The following XRCC4 variants were observed in gnomAD, a reference collection of about 807,000 sequenced individuals.
XRCC4 encodes the protein X-ray repair cross complementing 4, also known as DNA repair protein XRCC4.
Under a neutral mutation model 39.1 loss-of-function variants are expected in XRCC4, and 28 were observed. The ratio of observed to expected loss-of-function variants is 0.72; its 90% CI spans 0.53 to 0.98. The LOEUF (loss-of-function observed/expected upper bound fraction) is 0.98, where lower values mean the gene tolerates loss of function less well. XRCC4 is among the 50% of genes least tolerant of loss of function. The probability of loss-of-function intolerance (pLI) is 0.00; values close to 1 mark genes in which losing one functional copy is unlikely to be tolerated. For synonymous variants in XRCC4, 123 were observed against 126.4 expected, an observed-to-expected ratio of 0.97 and a Z score of 0.18; for missense variants, 350 against 376.4, an observed-to-expected ratio of 0.93 and a Z score of 0.58.
intron 7 of XRCC4, among the ~76,000 whole-genome samples, chr5:83,276,635 A>G (rs1754345405): frequency 6.6e-6 from 1 of 152,002 alleles, no homozygotes; most frequent in Non-Finnish European, 1.5e-5. Context: ...TGGCCCCTCA[A>G]CCTTAGACTT....
intron 3 of XRCC4, among the ~76,000 whole-genome samples, chr5:83,152,899 G>A (rs951104257): frequency 5.9e-5 from 9 of 152,096 alleles, no homozygotes; most frequent in South Asian, 2.1e-4. Flanking sequence ...ATCCTATTTC[G>A]TCAGTTTTAA....
intron 7 of XRCC4, among the ~76,000 whole-genome samples, chr5:83,305,217 G>A (rs1356529029): frequency 6.6e-6 from 1 of 151,812 alleles, no homozygotes; most frequent in African/African-American, 2.4e-5. Context: ...ACATCAGTGT[G>A]GTATATTTAC....
chr5:83,289,864 C>G (rs1012211264), intron 7 of XRCC4, among the ~76,000 whole-genome samples: 2 of 151,762 alleles, frequency 1.3e-5, no homozygotes, highest in Non-Finnish European at 2.9e-5. Context: ...AATGATGACT[C>G]TCCCCCTGGC....
At chr5:83,242,180 G>A (rs944289861) in intron 6 of XRCC4, among the ~76,000 whole-genome samples, 2 of 151,818 alleles carry the variant, frequency 1.3e-5, no homozygotes. Context: ...GTGTGTGTGT[G>A]TGTGTGTGTG....
intron 1 of XRCC4, among the ~76,000 whole-genome samples, chr5:83,078,688 C>G (rs1165540649): frequency 6.6e-6 from 1 of 152,198 alleles, no homozygotes; most frequent in African/African-American, 2.4e-5. Flanking sequence ...AAGAGTTGGT[C>G]AAATACACAA....
chr5:83,144,605 T>A (rs985569927), intron 3 of XRCC4, among the ~76,000 whole-genome samples: 4 of 122,270 alleles, frequency 3.3e-5, no homozygotes, highest in African/African-American at 1.2e-4. Flanking sequence ...TCTATGAATG[T>A]ATGTCTTTCA....
rs77307845 is a variant in XRCC4, at chr5:83,245,347, A to G, written c.746-13183A>G. Among the ~76,000 whole-genome samples, 374 of 152,080 alleles carry G rather than the reference A, an allele frequency of 2.5e-3. 2 individuals carry two copies. Among genetic ancestry groups the G allele is most frequent in the African/African-American group, 8.7e-3 (360 of 41,506 alleles). ...TCTGTTGCTGTGTAGACTTGGAGAAAGGAGTCTAGGAAGTGAGTTATATGA... is the reference window on the plus strand; with the variant it reads ...TCTGTTGCTGTGTAGACTTGGAGAAGGGAGTCTAGGAAGTGAGTTATATGA... On this transcript the variant is annotated intron_variant, in intron 6 of 7. Transcript: ENST00000396027.
intron 3 of XRCC4, among the ~76,000 whole-genome samples, chr5:83,131,473 T>C (rs1747578013): frequency 6.6e-6 from 1 of 152,174 alleles, no homozygotes; most frequent in East Asian, 1.9e-4. Flanking sequence ...ATGTTGACAG[T>C]GGGGTGTTAA....
chr5:83,211,273 C>A lies in XRCC4; in HGVS notation c.745+6352C>A, dbSNP rs62374404. On this transcript the variant is annotated intron_variant, in intron 6 of 7. Transcript: ENST00000396027. Reference sequence around the variant, plus strand: ...TTGGTCAGTATGAAAGTTATGCCAGCATCTGGCTGGCCATGAGGACTGGCA... The same window carrying A: ...TTGGTCAGTATGAAAGTTATGCCAGAATCTGGCTGGCCATGAGGACTGGCA... Among the ~76,000 whole-genome samples the A allele has an allele frequency of 1.1e-3, 172 of 152,338 alleles. 1 individual carries two copies. Among genetic ancestry groups the A allele is most frequent in the Non-Finnish European group, 2.0e-3 (133 of 68,036 alleles).
intron 6 of XRCC4, among the ~76,000 whole-genome samples, chr5:83,241,034 G>C (rs1752887782): frequency 6.6e-6 from 1 of 152,076 alleles, no homozygotes; most frequent in Non-Finnish European, 1.5e-5. Context: ...TCAGGAGTTT[G>C]AGACCAGCCT....
chr5:83,183,138 C>T (rs546901060), intron 3 of XRCC4, among the ~76,000 whole-genome samples: 2 of 152,186 alleles, frequency 1.3e-5, no homozygotes, highest in Middle Eastern at 3.4e-3. Context: ...AATTCATCAT[C>T]ATTTATCTGT....
Position 83,310,511 on chromosome 5 carries a change from C to G in XRCC4, c.894-42620C>G, listed in dbSNP as rs535796901. Among the ~76,000 whole-genome samples the G allele has an allele frequency of 3.3e-5, 5 of 152,182 alleles. No individual in the cohort carries two copies. The East Asian group carries it at 9.7e-4, about 29-fold the overall frequency. On this transcript the variant is annotated intron_variant, in intron 7 of 7. Coordinates refer to ENST00000396027, the MANE Select transcript of XRCC4 (RefSeq NM_003401.5). ...CACATTTATTCTGTGTACCTTTCTGCGGCAAACAGAATAAGCTTCCCCATC... is the reference window on the plus strand; with the variant it reads ...CACATTTATTCTGTGTACCTTTCTGGGGCAAACAGAATAAGCTTCCCCATC...
At position 83,099,866 on chromosome 5, in the gene XRCC4, G is replaced by A. The variant is rs115088517; in HGVS notation, c.-10-5044G>A. 2.9e-3 allele frequency among the ~76,000 whole-genome samples: 437 copies of A among 152,212 alleles called. 1 individual carries two copies. Among genetic ancestry groups the A allele is most frequent in the African/African-American group, 9.5e-3 (394 of 41,526 alleles). ...AGTAGTCTTGGGGCAAAAAACTATG[G>A]CTGACTATTCCCATTTACAGGGCTG... On this transcript the variant is annotated intron_variant, in intron 1 of 7. Transcript: ENST00000396027.
intron 7 of XRCC4, among the ~76,000 whole-genome samples, chr5:83,330,722 A>G (rs551718677): frequency 6.6e-6 from 1 of 152,048 alleles, no homozygotes; most frequent in East Asian, 1.9e-4. Flanking sequence ...TATGTCTATT[A>G]TAACTATATG....
intron 7 of XRCC4, among the ~76,000 whole-genome samples, chr5:83,281,043 A>G (rs1754518664): frequency 6.6e-6 from 1 of 152,214 alleles, no homozygotes; most frequent in Non-Finnish European, 1.5e-5. Flanking sequence ...GTATCTTAAG[A>G]CTTGCATAAT....
At chr5:83,080,462 G>C (rs1744884032) in intron 1 of XRCC4, among the ~76,000 whole-genome samples, 1 of 151,634 alleles carries the variant, frequency 6.6e-6, no homozygotes, top group Non-Finnish European at 1.5e-5. Context: ...GGAGGTGGAG[G>C]CTGCAGTGAG....
intron 3 of XRCC4, among the ~76,000 whole-genome samples, chr5:83,116,608 CTTTTTTTTTTTTTTTTT>C (rs559079642): frequency 9.7e-6 from 1 of 103,200 alleles, no homozygotes; most frequent in East Asian, 4.3e-4. Flanking sequence ...TTCTCTCTCT[CTTTTTTTTTTTTTTTTT>C]TTTTTTTTTT....
intron 3 of XRCC4, among the ~76,000 whole-genome samples, chr5:83,175,023 A>T (rs1749890949): frequency 6.6e-6 from 1 of 152,202 alleles, no homozygotes; most frequent in South Asian, 2.1e-4. Flanking sequence ...CATGGTAGGA[A>T]CTAAAGAAAG....
intron 7 of XRCC4, among the ~76,000 whole-genome samples, chr5:83,287,809 T>C (rs1754786919): frequency 6.6e-6 from 1 of 151,836 alleles, no homozygotes; most frequent in African/African-American, 2.4e-5. Flanking sequence ...ATATTTATTA[T>C]TTATTTTCTT....
Sources: allele counts gnomAD v4.1 joint callset (sites outside exome capture counted in the v4.1 genomes callset), GRCh38; gene constraint gnomAD v4.1.1; transcripts MANE v1.5; gene names NCBI Gene and HGNC (gene_info 2026-07-23, HGNC 2026-07-21).